Variants in VAMP1 observed in about 807,000 individuals in gnomAD.
The protein encoded by VAMP1 is vesicle-associated membrane protein 1.
A neutral mutation model predicts 19.1 loss-of-function variants in VAMP1; 16 were observed. That is an observed-to-expected ratio of 0.84 (90% CI 0.57 to 1.27). The LOEUF (loss-of-function observed/expected upper bound fraction) is 1.27. Among genes scored for constraint, VAMP1 ranks in the 50% most tolerant of loss-of-function variants. VAMP1 has a pLI of 0.00. For missense variants in VAMP1, 109 were observed against 145.4 expected, an observed-to-expected ratio of 0.75 and a Z score of 1.29; for synonymous variants, 37 against 50.2, an observed-to-expected ratio of 0.74 and a Z score of 1.11.
chr12:6,464,368 G>C lies in VAMP1; in HGVS notation c.*102C>G. The C allele has an allele frequency of 6.4e-7, 1 of 1,552,090 alleles. No individual in the cohort carries two copies. ...ATGGGTGATGGAGAAGCCTGGGCTG[G>C]AATGGAGGACGGTGGGTGGGGAAGT... On this transcript the variant is annotated 3_prime_UTR_variant, in exon 5 of 5. Coordinates refer to ENST00000396308, the MANE Select transcript of VAMP1 (RefSeq NM_014231.5).
At chr12:6,469,214 C>T (rs1218710129) in intron 1 of VAMP1, among the ~76,000 whole-genome samples, 1 of 152,208 alleles carries the variant, frequency 6.6e-6, no homozygotes, top group Admixed American at 6.5e-5. Context: ...TGTCCTGCCA[C>T]TGAGCTAGCT....
In VAMP1 at chr12:6,463,383, C is replaced by T. The variant is rs2534712; in HGVS notation, c.*1087G>A. 0.71 allele frequency: 756,651 copies of T among 1,071,928 alleles called. 268,199 individuals carry two copies. Among genetic ancestry groups the T allele is most frequent in the East Asian group, 0.78 (9,816 of 12,538 alleles). The allele number at this position is 1,071,928 out of a possible 1,614,324, so 66.4% of individuals were successfully genotyped here. On this transcript the variant is annotated 3_prime_UTR_variant, in exon 5 of 5. Transcript: ENST00000396308. The surrounding 1 kb of genome is among the most constrained non-coding windows in gnomAD (Gnocchi z 4.0). ...CTGCATCCTGAGGATCGGCCGGGCC[C>T]CAGGAAGAACCACTTGCCTCATCCC... is the stretch of plus-strand genomic sequence containing the variant.
At chr12:6,466,166 C>T in intron 2 of VAMP1, 59 bp downstream of exon 2, 2 of 1,613,232 alleles carry the variant, frequency 1.2e-6, no homozygotes, top group East Asian at 2.2e-5. Context: ...ATAAGAAGTT[C>T]CCTTTTGTTT....
intron 4 of VAMP1, 29 bp downstream of exon 4, chr12:6,464,861 A>G: frequency 1.9e-6 from 3 of 1,613,638 alleles, no homozygotes; most frequent in Non-Finnish European, 2.5e-6. Flanking sequence ...CCACCTCTTC[A>G]CCCCACCAGC....
chr12:6,468,557 C>T (rs1945687612), intron 1 of VAMP1, among the ~76,000 whole-genome samples: 2 of 152,232 alleles, frequency 1.3e-5, no homozygotes, highest in Non-Finnish European at 2.9e-5. Flanking sequence ...CCTCAATGTG[C>T]ATGCATTATA....
chr12:6,465,093 C>A, intron 3 of VAMP1, 152 bp from the exon 4 acceptor site: 1 of 1,100,810 alleles, frequency 9.1e-7, no homozygotes, highest in Non-Finnish European at 1.3e-6. Context: ...TAGAGAGGCC[C>A]TACCCTTCTG....
At chr12:6,470,046 G>A (rs1175022837) in intron 1 of VAMP1, among the ~76,000 whole-genome samples, 4 of 152,198 alleles carry the variant, frequency 2.6e-5, no homozygotes, top group Non-Finnish European at 5.9e-5. Context: ...AGGGGGGCTA[G>A]ACATCACACT....
rs546860481 is a variant in VAMP1 at position 6,467,810 on chromosome 12, G to A, written c.3-1459C>T. On this transcript the variant is annotated intron_variant, in intron 1 of 4. Transcript: ENST00000396308. ...GGACTTAGTGCCCTGTGTCCCAGCC[G>A]CTCCCACTGTGGCTGAGAGGGGCCA... Among the ~76,000 whole-genome samples, 41 of 152,326 alleles carry A rather than the reference G, an allele frequency of 2.7e-4. No individual in the cohort carries two copies. The South Asian group carries it at 6.0e-3, about 22-fold the overall frequency.
chr12:6,464,823 C>T, intron 4 of VAMP1, 67 bp downstream of exon 4: 1 of 1,609,610 alleles, frequency 6.2e-7, no homozygotes. Context: ...GGCAGGCAGG[C>T]AGGCAGGGAG....
chr12:6,464,474 G>A lies in VAMP1; in HGVS notation c.353C>T (p.Thr118Ile), dbSNP rs1232673532. The change falls in exon 5 of 5, where the codon ACT becomes ATT. Residue 118 changes from threonine to isoleucine, a missense_variant. Thr to Ile is a moderately conservative substitution (Grantham distance 89, BLOSUM62 -1). Coordinates refer to ENST00000396308, the MANE Select transcript of VAMP1 (RefSeq NM_014231.5). ...CAGGGAAGGGGTGGTACATTCTCAA[G>A]TAAAAAAGTAGACTGGACACAGGAA... ...IVVVIVIYFFT is the reference protein window; with the variant it reads ...IVVVIVIYFFI The A allele has an allele frequency of 3.2e-6, 5 of 1,541,766 alleles. No homozygotes were observed. The Admixed American group carries it at 1.0e-4, about 31-fold the overall frequency.
At chr12:6,464,798 C>T in intron 4 of VAMP1, 92 bp downstream of exon 4, 8 of 1,596,596 alleles carry the variant, frequency 5.0e-6, no homozygotes, top group South Asian at 2.3e-5. Context: ...TCAGTCAGAG[C>T]AGCCCCACTC....
At chr12:6,465,133 C>G in intron 3 of VAMP1, 192 bp from the exon 4 acceptor site, 1 of 745,346 alleles carries the variant, frequency 1.3e-6, no homozygotes, top group Admixed American at 2.9e-5. Context: ...CACAGTATGT[C>G]TGTAGCTTTT....
At position 6,463,279 on chromosome 12, in the gene VAMP1, C is replaced by T. The variant is rs1302145395; in HGVS notation, c.*1191G>A. The T allele has an allele frequency of 4.6e-6, 6 of 1,308,038 alleles. No individual in the cohort carries two copies. In the African/African-American group the frequency reaches 7.5e-5, roughly 16 times the overall value. The allele number at this position is 1,308,038 out of a possible 1,614,324, so 81.0% of individuals were successfully genotyped here. A position where few individuals can be genotyped will look rare whatever the true frequency, so the allele number is the denominator to read the frequency against. On this transcript the variant is annotated 3_prime_UTR_variant, in exon 5 of 5. Coordinates refer to ENST00000396308, the MANE Select transcript of VAMP1 (RefSeq NM_014231.5). The surrounding 1 kb of genome is among the most constrained non-coding windows in gnomAD (Gnocchi z 4.0). ...TCTCAAGGAGAGGGCCCCATGACAG[C>T]ACAGCAATACACAAGCACACCTGAC...
At chr12:6,465,737 G>A (rs1380193138) in intron 3 of VAMP1, 105 bp downstream of exon 3, 1 of 1,442,630 alleles carries the variant, frequency 6.9e-7, no homozygotes, top group Non-Finnish European at 9.3e-7. Context: ...GCTGGTCAGA[G>A]AGATCCTGCA....
At chr12:6,470,150 T>C (rs1165447240) in intron 1 of VAMP1, among the ~76,000 whole-genome samples, 1 of 152,006 alleles carries the variant, frequency 6.6e-6, no homozygotes, top group Admixed American at 6.5e-5. Context: ...AGGCGCTGAG[T>C]AGTGATTTAG....
At position 6,465,987 on chromosome 12, in the gene VAMP1, A is replaced by G; in HGVS notation, c.143T>C (p.Ile48Thr). 6.2e-7 allele frequency: 1 copy of G among 1,614,250 alleles called. No individual in the cohort carries two copies. Among genetic ancestry groups the G allele is most frequent in the South Asian group, 1.1e-5 (1 of 91,090 alleles). ...QAQVEEVVDI[I>T]RVNVDKVLER... The stretch of plus-strand genomic sequence containing the variant: ...CAGGACCTTGTCCACGTTCACACGT[A>G]TGATGTCCACCACCTGAGGAGGGCA... The change falls in exon 3 of 5, where the codon ATA becomes ACA. Residue 48 changes from isoleucine (I) to threonine (T), a missense_variant. Physicochemically the swap from Ile to Thr is moderately conservative, Grantham distance 89. Transcript: ENST00000396308.
rs2534713 is a variant in VAMP1 at position 6,463,421 on chromosome 12, G to C, written c.*1049C>G. 299,824 of 1,054,628 alleles carry C rather than the reference G, an allele frequency of 0.28. 44,501 individuals carry two copies. The highest frequency in any genetic ancestry group is 0.33 in the South Asian group (11,096 of 33,226). The allele number at this position is 1,054,628 out of a possible 1,614,324, so 65.3% of individuals were successfully genotyped here. A position where few individuals can be genotyped will look rare whatever the true frequency, so the allele number is the denominator to read the frequency against. On this transcript the variant is annotated 3_prime_UTR_variant, in exon 5 of 5. Coordinates refer to ENST00000396308, the MANE Select transcript of VAMP1 (RefSeq NM_014231.5). This position sits in a 1 kb window ranked among gnomAD's most constrained non-coding sequence, Gnocchi z 4.0. The stretch of plus-strand genomic sequence containing the variant: ...CTTGCCTCATCCCTGTCTTTGGCAA[G>C]TGCACGGGTGGTGTGGAGGAAAGGA...
Position 6,463,365 on chromosome 12 carries a change from C to T in VAMP1, c.*1105G>A. 9.1e-7 allele frequency: 1 copy of T among 1,097,190 alleles called. No individual in the cohort carries two copies. The highest frequency in any genetic ancestry group is 1.1e-6 in the Non-Finnish European group (1 of 897,564). The allele number at this position is 1,097,190 out of a possible 1,614,324, so 68.0% of individuals were successfully genotyped here. ...TGGGTCTACATGACTTCTCTGCATCCTGAGGATCGGCCGGGCCCCAGGAAG... is the reference window on the plus strand; with the variant it reads ...TGGGTCTACATGACTTCTCTGCATCTTGAGGATCGGCCGGGCCCCAGGAAG... On this transcript the variant is annotated 3_prime_UTR_variant, in exon 5 of 5. Coordinates refer to ENST00000396308, the MANE Select transcript of VAMP1 (RefSeq NM_014231.5). The surrounding 1 kb of genome is among the most constrained non-coding windows in gnomAD (Gnocchi z 4.0).
Position 6,464,430 on chromosome 12 carries a change from T to C in VAMP1, c.*40A>G, listed in dbSNP as rs943503642. The C allele has an allele frequency of 6.4e-7, 1 of 1,564,490 alleles. No individual in the cohort carries two copies. Among genetic ancestry groups the C allele is most frequent in the African/African-American group, 1.4e-5 (1 of 73,460 alleles). ...GCAAACAGAGGGCAGAGGACATGAA[T>C]GTGGATGGCAATGGACAACAGGGAA... On this transcript the variant is annotated 3_prime_UTR_variant, in exon 5 of 5. Coordinates refer to ENST00000396308, the MANE Select transcript of VAMP1 (RefSeq NM_014231.5).
Sources: allele counts gnomAD v4.1 joint callset (sites outside exome capture counted in the v4.1 genomes callset), GRCh38; gene constraint gnomAD v4.1.1; non-coding constraint Gnocchi (gnomAD v3.1); transcripts MANE v1.5; gene names NCBI Gene and HGNC (gene_info 2026-07-23, HGNC 2026-07-21).